The following AK5 variants were observed in gnomAD, a reference collection of about 807,000 sequenced individuals.
The protein encoded by AK5 is adenylate kinase isoenzyme 5.
AK5 carries 27 observed loss-of-function variants against 69.5 expected under a neutral mutation model. The ratio of observed to expected loss-of-function variants is 0.39; its 90% confidence interval spans 0.29 to 0.54. The LOEUF is 0.54. Among genes scored for constraint, AK5 ranks in the 20% least tolerant of loss-of-function variants. AK5 has a pLI of 0.71. For synonymous variants in AK5, 260 were observed against 244.4 expected, an observed-to-expected ratio of 1.06 and a Z score of -0.60; for missense variants, 531 against 700.4, an observed-to-expected ratio of 0.76 and a Z score of 2.73.
At chr1:77,539,788 T>C (rs1165912793) in intron 13 of AK5, among the ~76,000 whole-genome samples, 1 of 152,190 alleles carries the variant, frequency 6.6e-6, no homozygotes, top group Non-Finnish European at 1.5e-5. Flanking sequence ...CCTGCTCCTG[T>C]GATGCTGTTT....
At chr1:77,451,287 T>G (rs534186210) in intron 8 of AK5, among the ~76,000 whole-genome samples, 25 of 152,200 alleles carry the variant, frequency 1.6e-4, no homozygotes, top group Non-Finnish European at 3.2e-4. Context: ...ATGAAGCATT[T>G]CCTTGATTGA....
At chr1:77,453,561 T>G (rs1030378209) in intron 8 of AK5, among the ~76,000 whole-genome samples, 6 of 152,212 alleles carry the variant, frequency 3.9e-5, no homozygotes, top group Non-Finnish European at 8.8e-5. Flanking sequence ...ATATTGTAAA[T>G]TTGTTGCAGT....
Position 77,282,279 on chromosome 1 carries a change from C to A in AK5, c.-35C>A. 3 of 1,538,016 alleles carry A rather than the reference C, an allele frequency of 2.0e-6. No homozygotes were observed. Among genetic ancestry groups the A allele is most frequent in the Non-Finnish European group, 2.6e-6 (3 of 1,140,328 alleles). On this transcript the variant is annotated 5_prime_UTR_variant, in exon 1 of 14. Coordinates refer to ENST00000354567, the MANE Select transcript of AK5 (RefSeq NM_174858.3). ...TCAGGTCGCCGCAGCCCGGGAGCCT[C>A]CCCGCTTGCGCCCCAAGGCACGCGC... is the stretch of plus-strand genomic sequence containing the variant.
In AK5 at chr1:77,367,686, T is replaced by C. The variant is rs1365804200; in HGVS notation, c.891+27118T>C. 6.6e-5 allele frequency among the ~76,000 whole-genome samples: 6 copies of C among 90,710 alleles called. No individual in the cohort carries two copies. In the East Asian group the frequency reaches 2.2e-3, roughly 33 times the overall value. The allele number at this position is 90,710 out of a possible 152,430, so 59.5% of individuals were successfully genotyped here. ...TATGTTATATATAATATATATGTTA[T>C]ATATACGTTATATGTTATATATATG... On this transcript the variant is annotated intron_variant, in intron 6 of 13. Transcript: ENST00000354567.
At chr1:77,499,247 A>G (rs978050819) in intron 10 of AK5, among the ~76,000 whole-genome samples, 1 of 152,248 alleles carries the variant, frequency 6.6e-6, no homozygotes, top group African/African-American at 2.4e-5. Context: ...AAATGAAAAC[A>G]TATTTAAACC....
intron 5 of AK5, among the ~76,000 whole-genome samples, chr1:77,299,147 T>C (rs1659192937): frequency 6.6e-6 from 1 of 152,100 alleles, no homozygotes; most frequent in South Asian, 2.1e-4. Context: ...CCAGATACGA[T>C]TCATGTTTAA....
chr1:77,284,782 G>C (rs1470200556), intron 1 of AK5, among the ~76,000 whole-genome samples: 1 of 152,314 alleles, frequency 6.6e-6, no homozygotes, highest in South Asian at 2.1e-4. Context: ...CCTGATAGTG[G>C]CTGGCTATTA....
intron 6 of AK5, among the ~76,000 whole-genome samples, chr1:77,392,976 A>G (rs961251404): frequency 2.0e-5 from 3 of 152,014 alleles, no homozygotes; most frequent in Non-Finnish European, 2.9e-5. Flanking sequence ...TCTGTCACCC[A>G]GGCTGGAGTG....
At chr1:77,399,978 C>T (rs1006581139) in intron 6 of AK5, among the ~76,000 whole-genome samples, 1 of 152,210 alleles carries the variant, frequency 6.6e-6, no homozygotes. Context: ...CCTGCCCTTG[C>T]TCCTTCTGAT....
intron 8 of AK5, among the ~76,000 whole-genome samples, chr1:77,428,613 TTA>T (rs1470293475): frequency 6.6e-6 from 1 of 152,198 alleles, no homozygotes; most frequent in Non-Finnish European, 1.5e-5. Flanking sequence ...TTTAATTTTT[TTA>T]ATTATACTTT....
At chr1:77,482,682 A>G (rs539495377) in intron 8 of AK5, among the ~76,000 whole-genome samples, 3 of 151,862 alleles carry the variant, frequency 2.0e-5, no homozygotes, top group African/African-American at 4.8e-5. Context: ...CTGAGGCCCA[A>G]GTTGTTTGAA....
At chr1:77,294,239 T>G (rs1250452532) in intron 3 of AK5, among the ~76,000 whole-genome samples, 2 of 152,136 alleles carry the variant, frequency 1.3e-5, no homozygotes, top group Admixed American at 1.3e-4. Flanking sequence ...CCTTCAAGAT[T>G]TATTGTCCTG....
chr1:77,362,391 T>G (rs1646880371), intron 6 of AK5, among the ~76,000 whole-genome samples: 1 of 152,188 alleles, frequency 6.6e-6, no homozygotes. Context: ...ACCGCCATTA[T>G]CTGTCCAAGC....
chr1:77,397,157 G>GTTACA (rs1381854958), intron 6 of AK5, among the ~76,000 whole-genome samples: 4 of 152,182 alleles, frequency 2.6e-5, no homozygotes, highest in African/African-American at 9.7e-5. Context: ...CTTCAAAGAA[G>GTTACA]TTACATCTTT....
chr1:77,324,318 C>CGTGT (rs10547281), intron 5 of AK5, among the ~76,000 whole-genome samples: 9,313 of 148,720 alleles, frequency 0.063, 304 homozygotes, highest in Non-Finnish European at 0.069. Context: ...TCACCATTTG[C>CGTGT]GTGTGTGTGT....
At chr1:77,430,871 T>A (rs940992206) in intron 8 of AK5, among the ~76,000 whole-genome samples, 4 of 152,296 alleles carry the variant, frequency 2.6e-5, no homozygotes, top group African/African-American at 9.6e-5. Flanking sequence ...TACAAAGCGC[T>A]ATAAAGTGAA....
chr1:77,483,554 T>G (rs748442217), intron 9 of AK5, among the ~76,000 whole-genome samples, 195 bp downstream of exon 9: 2 of 152,188 alleles, frequency 1.3e-5, no homozygotes, highest in Admixed American at 6.5e-5. Context: ...GGTGCATTGC[T>G]AAGTGATGCA....
chr1:77,463,702 T>C (rs2100681354), intron 8 of AK5, among the ~76,000 whole-genome samples: 1 of 152,334 alleles, frequency 6.6e-6, no homozygotes, highest in East Asian at 1.9e-4. Context: ...CCCTCCGTTG[T>C]GTGTCTGTTT....
intron 8 of AK5, among the ~76,000 whole-genome samples, chr1:77,442,541 G>T (rs1389892743): frequency 4.6e-5 from 7 of 152,138 alleles, no homozygotes; most frequent in African/African-American, 1.7e-4. Context: ...TATCCTAGCT[G>T]GGGGATAGGG....
Sources: allele counts gnomAD v4.1 joint callset (sites outside exome capture counted in the v4.1 genomes callset), GRCh38; gene constraint gnomAD v4.1.1; transcripts MANE v1.5; gene names NCBI Gene and HGNC (gene_info 2026-07-23, HGNC 2026-07-21).